The following BRAF variants were observed in gnomAD, a reference collection of about 807,000 sequenced individuals.
The protein encoded by BRAF is B-Raf proto-oncogene, serine/threonine kinase.
Under a neutral mutation model 104.6 loss-of-function variants are expected in BRAF, and 16 were observed. That is an observed-to-expected ratio of 0.15 (90% CI 0.10 to 0.23). The LOEUF is 0.23. BRAF is among the 10% of genes least tolerant of loss of function. BRAF has a pLI of 1.00. For synonymous variants in BRAF, 310 were observed against 341.6 expected (o/e 0.91, Z 1.02); for missense variants, 541 against 937.3 (o/e 0.58, Z 5.52).
chr7:140,747,361 C>T, intron 17 of BRAF: 1 of 1,263,998 alleles, frequency 7.9e-7, no homozygotes, highest in Non-Finnish European at 1.0e-6. Flanking sequence ...TAGTAAAGGC[C>T]TTACCCTTCT....
intron 1 of BRAF, among the ~76,000 whole-genome samples, chr7:140,901,914 T>C (rs1212141919): frequency 6.6e-6 from 1 of 152,204 alleles, no homozygotes; most frequent in African/African-American, 2.4e-5. Flanking sequence ...AAACTATCAT[T>C]CATTTCTATA....
At chr7:140,769,211 G>A (rs1799607852) in intron 14 of BRAF, among the ~76,000 whole-genome samples, 1 of 151,894 alleles carries the variant, frequency 6.6e-6, no homozygotes, top group Non-Finnish European at 1.5e-5. Context: ...CAAGTAATTG[G>A]GATTACAGGC....
chr7:140,845,802 T>G (rs1808481564), intron 2 of BRAF, among the ~76,000 whole-genome samples: 1 of 152,072 alleles, frequency 6.6e-6, no homozygotes, highest in African/African-American at 2.4e-5. Flanking sequence ...CTCAGCCTCC[T>G]GAATTGCTGG....
At chr7:140,891,774 G>A (rs1814248585) in intron 1 of BRAF, among the ~76,000 whole-genome samples, 1 of 151,996 alleles carries the variant, frequency 6.6e-6, no homozygotes, top group African/African-American at 2.4e-5. Context: ...AAAATTGGGT[G>A]GTATGGAGAA....
At chr7:140,749,063 A>C in intron 17 of BRAF, 1 of 505,822 alleles carries the variant, frequency 2.0e-6, no homozygotes, top group South Asian at 2.2e-5. Context: ...CTAGTCAGAA[A>C]ATCAGGAATT....
At chr7:140,784,510 T>G (rs1346200615) in intron 10 of BRAF, among the ~76,000 whole-genome samples, 1 of 152,212 alleles carries the variant, frequency 6.6e-6, no homozygotes, top group Non-Finnish European at 1.5e-5. Context: ...ATGGATTTTC[T>G]GAGAAACAGC....
chr7:140,908,779 ACTGT>A (rs1816619104), intron 1 of BRAF, among the ~76,000 whole-genome samples: 2 of 151,404 alleles, frequency 1.3e-5, no homozygotes, highest in Admixed American at 6.6e-5. Context: ...ATTCTTTTTG[ACTGT>A]CACTTTAGAT....
chr7:140,797,790 T>C (rs1201162909), intron 7 of BRAF, among the ~76,000 whole-genome samples: 1 of 152,212 alleles, frequency 6.6e-6, no homozygotes, highest in Admixed American at 6.5e-5. Context: ...AAAGGCATCA[T>C]GGTCTACAGA....
chr7:140,727,552 C>T (rs1563224903), intron 19 of BRAF, among the ~76,000 whole-genome samples: 1 of 152,148 alleles, frequency 6.6e-6, no homozygotes, highest in Admixed American at 6.5e-5. Context: ...TCCTGTTATA[C>T]ACACCATAGT....
intron 1 of BRAF, among the ~76,000 whole-genome samples, chr7:140,890,445 C>T (rs1266500151): frequency 1.3e-5 from 2 of 152,060 alleles, no homozygotes; most frequent in Non-Finnish European, 2.9e-5. Context: ...GTGAGCAAGA[C>T]GGACAAATTC....
At chr7:140,918,304 A>G (rs1304881512) in intron 1 of BRAF, among the ~76,000 whole-genome samples, 2 of 152,150 alleles carry the variant, frequency 1.3e-5, no homozygotes, top group African/African-American at 4.8e-5. Context: ...TCAGGATGAA[A>G]TTGTTCCACC....
chr7:140,723,006 A>G lies in BRAF; in HGVS notation c.*3488T>C. 1.4e-5 allele frequency: 15 copies of G among 1,053,372 alleles called. No individual in the cohort carries two copies. The highest frequency in any genetic ancestry group is 1.7e-5 in the Non-Finnish European group (15 of 871,886). 65.3% of individuals were successfully genotyped at this position (1,053,372 alleles called of 1,614,324 possible). On this transcript the variant is annotated 3_prime_UTR_variant, in exon 20 of 20. Coordinates refer to ENST00000644969, the MANE Select transcript of BRAF (RefSeq NM_001374258.1). ...CACAAAAAAGTTAAAATCTTAAATC[A>G]TCGTCATGTTCTAGAGCTCCTGACT...
Position 140,725,244 on chromosome 7 carries a change from G to C in BRAF, c.*1250C>G, listed in dbSNP as rs1057342866. The C allele has an allele frequency of 5.7e-6, 6 of 1,044,742 alleles. No individual in the cohort carries two copies. Among genetic ancestry groups the C allele is most frequent in the Non-Finnish European group, 6.9e-6 (6 of 866,166 alleles). 64.7% of individuals were successfully genotyped at this position (1,044,742 alleles called of 1,614,324 possible). A position where few individuals can be genotyped will look rare whatever the true frequency, so the allele number is the denominator to read the frequency against. ...AGGAATCAGTTGGAAGAAACAATGAGATTATTAGCAAAGATGTTAGTGTGG... is the reference window on the plus strand; with the variant it reads ...AGGAATCAGTTGGAAGAAACAATGACATTATTAGCAAAGATGTTAGTGTGG... On this transcript the variant is annotated 3_prime_UTR_variant, in exon 20 of 20. Coordinates refer to ENST00000644969, the MANE Select transcript of BRAF (RefSeq NM_001374258.1).
chr7:140,857,707 C>T (rs1385399297), intron 1 of BRAF, among the ~76,000 whole-genome samples: 1 of 152,038 alleles, frequency 6.6e-6, no homozygotes, highest in African/African-American at 2.4e-5. Flanking sequence ...TATTATTATT[C>T]AAGAAGAGAG....
At chr7:140,756,480 C>A (rs1320177623) in intron 14 of BRAF, among the ~76,000 whole-genome samples, 1 of 151,890 alleles carries the variant, frequency 6.6e-6, no homozygotes, top group Admixed American at 6.6e-5. Flanking sequence ...CTAAATAATT[C>A]TATATAGGGG....
intron 1 of BRAF, among the ~76,000 whole-genome samples, chr7:140,860,588 C>A (rs1810315673): frequency 6.6e-6 from 1 of 151,826 alleles, no homozygotes; most frequent in Non-Finnish European, 1.5e-5. Flanking sequence ...AAGTTTGAGG[C>A]TACAATAAGA....
chr7:140,734,797 G>GAAAAAAAAAAGA lies in BRAF; in HGVS notation c.2248-28_2248-27insTCTTTTTTTTTT, dbSNP rs60814637. The GAAAAAAAAAAGA allele has an allele frequency of 2.5e-4, 282 of 1,129,712 alleles. 2 individuals carry two copies. Among genetic ancestry groups the GAAAAAAAAAAGA allele is most frequent in the Admixed American group, 7.4e-4 (22 of 29,574 alleles). The allele number at this position is 1,129,712 out of a possible 1,614,324, so 70.0% of individuals were successfully genotyped here. On this transcript the variant is annotated intron_variant, in intron 18 of 19. Coordinates refer to ENST00000644969, the MANE Select transcript of BRAF (RefSeq NM_001374258.1). ...TACAAAAAAAAAAAGAAAAAAAAAA[G>GAAAAAAAAAAGA]AAAAAAAAAGAAAAAAGAAAAAAAA...
chr7:140,765,117 C>G (rs1168369333), intron 14 of BRAF, among the ~76,000 whole-genome samples: 4 of 152,046 alleles, frequency 2.6e-5, no homozygotes, highest in Non-Finnish European at 4.4e-5. Context: ...ATCAATGGAA[C>G]AGAACAGAGC....
At chr7:140,832,893 AGAT>A (rs1474086662) in intron 3 of BRAF, among the ~76,000 whole-genome samples, 13 of 132,418 alleles carry the variant, frequency 9.8e-5, no homozygotes, top group African/African-American at 3.7e-4. Context: ...TTTTTTTTTG[AGAT>A]GGAGTCTCGC....
Sources: gnomAD v4.1 joint callset for allele counts (sites outside exome capture counted in the v4.1 genomes callset) on GRCh38, gnomAD v4.1.1 for gene constraint, MANE v1.5 for transcripts, NCBI Gene and HGNC (gene_info 2026-07-23, HGNC 2026-07-21) for gene names.